USP33: variants seen among roughly 807,000 people sequenced by gnomAD.
USP33 encodes the protein ubiquitin specific peptidase 33.
Under a neutral mutation model 124.2 loss-of-function variants are expected in USP33, and 46 were observed. That is an observed-to-expected ratio of 0.37 (90% CI 0.29 to 0.47). The LOEUF (loss-of-function observed/expected upper bound fraction) is 0.47, where lower values mean the gene tolerates loss of function less well. Among genes scored for constraint, USP33 ranks in the 20% least tolerant of loss-of-function variants. The pLI is 0.99. For synonymous variants in USP33, 350 were observed against 352.3 expected, an observed-to-expected ratio of 0.99 and a Z score of 0.07; for missense variants, 851 against 1,070.6, an observed-to-expected ratio of 0.79 and a Z score of 2.86.
chr1:77,712,016 G>T (rs1675319459), intron 20 of USP33, among the ~76,000 whole-genome samples, 161 bp from the exon 21 acceptor site: 1 of 152,094 alleles, frequency 6.6e-6, no homozygotes, highest in Non-Finnish European at 1.5e-5. Flanking sequence ...GTTTATTAAG[G>T]TCAGTGACTT....
chr1:77,742,127 T>A (rs1459731183), intron 1 of USP33, among the ~76,000 whole-genome samples: 3 of 151,842 alleles, frequency 2.0e-5, no homozygotes, highest in Admixed American at 2.0e-4. Flanking sequence ...AAAAAAAAAA[T>A]TAATCCTTAG....
chr1:77,697,577 G>C, intron 23 of USP33, 103 bp from the exon 24 acceptor site: 1 of 1,325,628 alleles, frequency 7.5e-7, no homozygotes, highest in Non-Finnish European at 1.0e-6. Flanking sequence ...GGATAATTGA[G>C]AACTTCTGGA....
At chr1:77,738,646 A>G (rs188376470) in intron 5 of USP33, among the ~76,000 whole-genome samples, 17 of 152,028 alleles carry the variant, frequency 1.1e-4, no homozygotes, top group African/African-American at 3.9e-4. Context: ...ACACCCGGCT[A>G]ATGTTTTGTA....
At chr1:77,746,666 A>G (rs1039131305) in intron 1 of USP33, 6 of 152,252 alleles carry the variant, frequency 3.9e-5, no homozygotes, top group African/African-American at 1.4e-4. Flanking sequence ...CAATACATCA[A>G]AAAGCTTATC....
chr1:77,740,356 T>TC (rs1557860872), intron 4 of USP33, among the ~76,000 whole-genome samples: 1 of 147,682 alleles, frequency 6.8e-6, no homozygotes, highest in East Asian at 2.0e-4. Flanking sequence ...GATATACACT[T>TC]TTTTTTTTTT....
At position 77,741,678 on chromosome 1, in the gene USP33, T is replaced by C; in HGVS notation, c.20A>G (p.His7Arg). The C allele has an allele frequency of 6.2e-7, 1 of 1,605,750 alleles. No homozygotes were observed. The highest frequency in any genetic ancestry group is 8.5e-7 in the Non-Finnish European group (1 of 1,176,918). The change falls in exon 2 of 24, where the codon CAT becomes CGT. Residue 7 changes from histidine to arginine, a missense_variant. Transcript: ENST00000370794. MSAFRN[H>R]CPHLDSVGEI... ...ACCAACTGAATCCAAATGTGGACAA[T>C]GATTTCGAAAAGCTGACATTTTGTT...
intron 4 of USP33, 42 bp downstream of exon 4, chr1:77,740,835 C>G: frequency 7.0e-7 from 1 of 1,435,552 alleles, no homozygotes; most frequent in Non-Finnish European, 9.5e-7. Context: ...CCTTCAGGCA[C>G]TTTTTTTAAC....
chr1:77,717,032 A>AT lies in USP33; in HGVS notation c.1918+834dup, dbSNP rs1455734641. Among the ~76,000 whole-genome samples the AT allele has an allele frequency of 5.9e-5, 9 of 151,682 alleles. No homozygotes were observed. The East Asian group carries it at 1.8e-3, about 30-fold the overall frequency. ...AGGCGCCTGCCATCATGCTTGGCTA[A>AT]TTTTTTGTATTTTTAGTAGAGACGG... On this transcript the variant is annotated intron_variant, in intron 17 of 23. Transcript: ENST00000370794.
intron 1 of USP33, among the ~76,000 whole-genome samples, chr1:77,757,514 A>G (rs1426968860): frequency 1.3e-5 from 2 of 152,228 alleles, no homozygotes; most frequent in Non-Finnish European, 2.9e-5. Flanking sequence ...CCCACTTATC[A>G]AAATGTTCCT....
Position 77,739,332 on chromosome 1 carries a change from T to C in USP33, c.284A>G (p.Lys95Arg). 1 of 1,613,850 alleles carries C rather than the reference T, an allele frequency of 6.2e-7. No homozygotes were observed. Among genetic ancestry groups the C allele is most frequent in the African/African-American group, 1.3e-5 (1 of 75,044 alleles). The change falls in exon 5 of 24, where the codon AAA (lysine) becomes AGA (arginine). Residue 95 changes from lysine to arginine, a missense_variant. Lys to Arg is a conservative substitution (Grantham distance 26). This residue lies in a region of USP33 where 221 missense variants were observed against 302.9 expected (regional missense o/e 0.73). Transcript: ENST00000370794. ...ACSKEVFLDR[K>R]LGTQPSLPHV... ...AGGCAATGAAGGCTGAGTTCCTAAT[T>C]TCCTATCCAAAAATACTTCTTTGCT... is the stretch of plus-strand genomic sequence containing the variant.
chr1:77,714,588 C>G, intron 19 of USP33, 26 bp downstream of exon 19: 1 of 1,587,748 alleles, frequency 6.3e-7, no homozygotes, highest in Non-Finnish European at 8.6e-7. Flanking sequence ...ACTTCTACTA[C>G]CGGTTTGCAT....
intron 1 of USP33, among the ~76,000 whole-genome samples, chr1:77,747,799 T>C (rs1182268565): frequency 7.9e-5 from 12 of 152,246 alleles, no homozygotes. Context: ...TATCTTAAGA[T>C]AGGAACCCAA....
intron 21 of USP33, among the ~76,000 whole-genome samples, chr1:77,709,882 TACACACACAC>T (rs35770178): frequency 9.0e-5 from 13 of 144,892 alleles, no homozygotes; most frequent in Non-Finnish European, 1.5e-4. Context: ...TGCATACACA[TACACACACAC>T]ACACACACAC....
chr1:77,705,156 C>A lies in USP33; in HGVS notation c.2407-3685G>T, dbSNP rs187603212. Among the ~76,000 whole-genome samples, 1,462 of 149,718 alleles carry A rather than the reference C, an allele frequency of 9.8e-3. 25 individuals carry two copies. The highest frequency in any genetic ancestry group is 0.033 in the African/African-American group (1,351 of 40,492). ...GGGGGGCTGAATAAAACAAAAAAAA[C>A]CCTAATATTATAGAATAATAATAGG... is the stretch of plus-strand genomic sequence containing the variant. On this transcript the variant is annotated intron_variant, in intron 21 of 23. Transcript: ENST00000370794.
At position 77,723,396 on chromosome 1, in the gene USP33, T is replaced by C. The variant is rs775420595; in HGVS notation, c.1324A>G (p.Ser442Gly). 6.2e-7 allele frequency: 1 copy of C among 1,613,298 alleles called. No individual in the cohort carries two copies. The highest frequency in any genetic ancestry group is 8.5e-7 in the Non-Finnish European group (1 of 1,179,746). The stretch of plus-strand genomic sequence containing the variant: ...CCATCAAATATGTCTGAAATAACAC[T>C]TCTGTATTTCTTGTGCTGTTTTTTT... ...KRKKQHKKYR[S>G]VISDIFDGTI... The change falls in exon 12 of 24, where the codon AGT becomes GGT. Residue 442 changes from serine (S) to glycine (G), a missense_variant. Ser to Gly is a moderately conservative substitution (Grantham distance 56, BLOSUM62 0). Around this residue, in one of 4 missense-constraint regions of USP33, gnomAD observed 281 missense variants for 425.0 expected, o/e 0.66. Transcript: ENST00000370794.
intron 1 of USP33, among the ~76,000 whole-genome samples, chr1:77,746,108 A>C (rs1252509560): frequency 6.6e-6 from 1 of 152,168 alleles, no homozygotes; most frequent in African/African-American, 2.4e-5. Context: ...TTTTTTGAAA[A>C]GATCAACAAA....
In USP33 at chr1:77,718,612, A is replaced by G. The variant is rs781124752; in HGVS notation, c.1721T>C (p.Val574Ala). ...TGCCCATACCTCAGGAAAGTTTTGTACTTTACAAAACTTCACTCCATTTCT... is the reference window on the plus strand; with the variant it reads ...TGCCCATACCTCAGGAAAGTTTTGTGCTTTACAAAACTTCACTCCATTTCT... ...KLRNGVKFCKVQNFPEILCIH... is the reference protein window; with the variant it reads ...KLRNGVKFCKAQNFPEILCIH... Residue 574 changes from valine to alanine, a missense_variant, in exon 16 of 24, where the codon GTA becomes GCA. Val to Ala is a moderately conservative substitution (Grantham distance 64). Coordinates refer to ENST00000370794, the MANE Select transcript of USP33 (RefSeq NM_201624.3). 6.2e-7 allele frequency: 1 copy of G among 1,608,550 alleles called. No individual in the cohort carries two copies. The highest frequency in any genetic ancestry group is 8.5e-7 in the Non-Finnish European group (1 of 1,176,258).
chr1:77,696,476 C>G lies in USP33; in HGVS notation c.*841G>C, dbSNP rs1673449890. 6.6e-6 allele frequency: 1 copy of G among 152,524 alleles called. No homozygotes were observed. The allele number at this position is 152,524 out of a possible 1,614,324, so 9.4% of individuals were successfully genotyped here. A position where few individuals can be genotyped will look rare whatever the true frequency, so the allele number is the denominator to read the frequency against. On this transcript the variant is annotated 3_prime_UTR_variant, in exon 24 of 24. Transcript: ENST00000370794. Reference sequence around the variant, plus strand: ...AAGACATTTTGTAAATTTTAATAAGCTAGTTAGTGTATATGCTGCAGTGCA... The same window carrying G: ...AAGACATTTTGTAAATTTTAATAAGGTAGTTAGTGTATATGCTGCAGTGCA...
Position 77,725,745 on chromosome 1 carries a change from G to A in USP33, c.1153C>T (p.His385Tyr), listed in dbSNP as rs144024047. 2.5e-6 allele frequency: 4 copies of A among 1,612,424 alleles called. No homozygotes were observed. The highest frequency in any genetic ancestry group is 2.2e-5 in the South Asian group (2 of 90,606). Reference protein sequence around the residue: ...SRASEYITDVHSNDLSTPQIL... With the variant: ...SRASEYITDVYSNDLSTPQIL... Reference sequence around the variant, plus strand: ...TGTGGTGTAGACAGGTCATTCGAATGGACATCAGTGATATATTCTGTAAGA... The same window carrying A: ...TGTGGTGTAGACAGGTCATTCGAATAGACATCAGTGATATATTCTGTAAGA... Residue 385 changes from histidine (H) to tyrosine (Y), a missense_variant, in exon 11 of 24, where the codon CAT becomes TAT. Physicochemically the swap from His to Tyr is moderately conservative, Grantham distance 83 (BLOSUM62 2). Around this residue, in one of 4 missense-constraint regions of USP33, gnomAD observed 207 missense variants for 200.9 expected, o/e 1.03. Coordinates refer to ENST00000370794, the MANE Select transcript of USP33 (RefSeq NM_201624.3).
Sources: gnomAD v4.1 joint callset for allele counts (sites outside exome capture counted in the v4.1 genomes callset) on GRCh38, gnomAD v4.1.1 for gene constraint, gnomAD v4.1.1 regional missense constraint, MANE v1.5 for transcripts, NCBI Gene and HGNC (gene_info 2026-07-23, HGNC 2026-07-21) for gene names.